Variants in KHDRBS2 observed in about 807,000 individuals in gnomAD.
KHDRBS2 encodes KH domain-containing, RNA-binding, signal transduction-associated protein 2.
KHDRBS2 carries 26 observed loss-of-function variants against 44.3 expected under a neutral mutation model. The observed-to-expected ratio is 0.59, with a 90% CI of 0.43 to 0.81. The LOEUF is 0.81. Among genes scored for constraint, KHDRBS2 ranks in the 40% least tolerant of loss-of-function variants. The pLI is 0.00. For missense variants in KHDRBS2, 476 were observed against 433.1 expected, an observed-to-expected ratio of 1.10 and a Z score of -0.88; for synonymous variants, 194 against 151.1, an observed-to-expected ratio of 1.28 and a Z score of -2.08.
At chr6:61,707,322 G>T (rs1261788830) in intron 7 of KHDRBS2, among the ~76,000 whole-genome samples, 1 of 151,702 alleles carries the variant, frequency 6.6e-6, no homozygotes, top group East Asian at 1.9e-4. Context: ...GTTGTATCAT[G>T]AACTCACTTG....
rs922309282 is a variant in KHDRBS2 at position 61,852,512 on chromosome 6, C to T, written c.810+42123G>A. 4.7e-5 allele frequency among the ~76,000 whole-genome samples: 7 copies of T among 149,396 alleles called. No individual in the cohort carries two copies. The East Asian group carries it at 8.0e-4, about 17-fold the overall frequency. On this transcript the variant is annotated intron_variant, in intron 6 of 8. Coordinates refer to ENST00000281156, the MANE Select transcript of KHDRBS2 (RefSeq NM_152688.4). ...CCGGGAGGCAGAGGCTGCAGTGAGACGAGATCGCACCACTGCACTCCAGCC... is the reference window on the plus strand; with the variant it reads ...CCGGGAGGCAGAGGCTGCAGTGAGATGAGATCGCACCACTGCACTCCAGCC...
chr6:61,752,518 C>T (rs532579764), intron 6 of KHDRBS2, among the ~76,000 whole-genome samples: 100 of 151,930 alleles, frequency 6.6e-4, no homozygotes, highest in Middle Eastern at 3.4e-3. Context: ...TCTATTCAAT[C>T]GTATTATTCT....
chr6:61,890,801 T>C (rs1335943154), intron 6 of KHDRBS2, among the ~76,000 whole-genome samples: 2 of 152,142 alleles, frequency 1.3e-5, no homozygotes, highest in African/African-American at 4.8e-5. Flanking sequence ...TTGAACCTTG[T>C]GGGTTTGTTT....
At chr6:62,283,859 C>T (rs909716525) in intron 1 of KHDRBS2, among the ~76,000 whole-genome samples, 1 of 152,090 alleles carries the variant, frequency 6.6e-6, no homozygotes. Context: ...TTGCATAACT[C>T]TTTAGGTACT....
In KHDRBS2 at chr6:62,134,759, G is replaced by A. The variant is rs541356128; in HGVS notation, c.219+42426C>T. On this transcript the variant is annotated intron_variant, in intron 2 of 8. Transcript: ENST00000281156. ...CTGGATGTGAGACATGTAGTCAAAG[G>A]AGATAATTGCTTTAAGATTTGACTC... Among the ~76,000 whole-genome samples, 20 of 152,242 alleles carry A rather than the reference G, an allele frequency of 1.3e-4. 1 individual carries two copies. In the South Asian group the frequency reaches 3.9e-3, roughly 30 times the overall value.
chr6:61,572,403 T>A, the KHDRBS2 span, among the ~76,000 whole-genome samples: 1,302 of 152,132 alleles, frequency 8.6e-3, 13 homozygotes, highest in Non-Finnish European at 0.013. Context: ...CAAAGAAGAA[T>A]CAGTACCAAT....
chr6:62,220,514 A>G (rs1355705980), intron 1 of KHDRBS2, among the ~76,000 whole-genome samples: 2 of 151,932 alleles, frequency 1.3e-5, no homozygotes, highest in East Asian at 3.8e-4. Context: ...TAAAATATAC[A>G]GTAAAATTGG....
intron 4 of KHDRBS2, among the ~76,000 whole-genome samples, chr6:61,937,579 G>A (rs939783328): frequency 1.2e-4 from 18 of 151,904 alleles, no homozygotes; most frequent in Admixed American, 7.9e-4. Flanking sequence ...TATGAGTATC[G>A]GGCAGGAATT....
At chr6:62,080,237 C>A (rs1171093726) in intron 2 of KHDRBS2, among the ~76,000 whole-genome samples, 1 of 151,982 alleles carries the variant, frequency 6.6e-6, no homozygotes, top group African/African-American at 2.4e-5. Context: ...TGTGCCAAAG[C>A]ACCACATTAA....
intron 6 of KHDRBS2, among the ~76,000 whole-genome samples, chr6:61,771,004 A>G (rs1009140148): frequency 3.3e-5 from 5 of 152,218 alleles, no homozygotes; most frequent in Non-Finnish European, 7.3e-5. Flanking sequence ...GAAACTCTAC[A>G]AGCCAGAAGA....
At chr6:62,231,304 T>C (rs1334701995) in intron 1 of KHDRBS2, among the ~76,000 whole-genome samples, 1 of 152,166 alleles carries the variant, frequency 6.6e-6, no homozygotes, top group Non-Finnish European at 1.5e-5. Context: ...AGACTTACAA[T>C]CATGGCAGAA....
At chr6:61,922,710 G>C (rs1808282884) in intron 4 of KHDRBS2, among the ~76,000 whole-genome samples, 1 of 152,102 alleles carries the variant, frequency 6.6e-6, no homozygotes, top group African/African-American at 2.4e-5. Flanking sequence ...ATCTCTACGA[G>C]GGTGAATAAT....
At chr6:62,062,426 A>G (rs1456656313) in intron 2 of KHDRBS2, among the ~76,000 whole-genome samples, 2 of 150,342 alleles carry the variant, frequency 1.3e-5, no homozygotes, top group African/African-American at 2.4e-5. Flanking sequence ...ATAACAAACT[A>G]TCTCTCAGAC....
intron 2 of KHDRBS2, among the ~76,000 whole-genome samples, chr6:62,092,356 C>G (rs1050442736): frequency 3.9e-5 from 6 of 152,096 alleles, no homozygotes; most frequent in African/African-American, 1.4e-4. Flanking sequence ...ATTGAAATAT[C>G]TTCATAGAGG....
At chr6:61,565,950 T>A in the KHDRBS2 span, among the ~76,000 whole-genome samples, 2 of 151,868 alleles carry the variant, frequency 1.3e-5, no homozygotes, top group African/African-American at 2.4e-5. Flanking sequence ...GCTAAAATAT[T>A]TGAAATAAAT....
At chr6:61,827,170 C>A (rs1277942390) in intron 6 of KHDRBS2, among the ~76,000 whole-genome samples, 1 of 152,126 alleles carries the variant, frequency 6.6e-6, no homozygotes, top group African/African-American at 2.4e-5. Context: ...TAATAAACAT[C>A]ATTAGGTCAT....
At chr6:61,818,194 G>A (rs1317704498) in intron 6 of KHDRBS2, among the ~76,000 whole-genome samples, 1 of 149,226 alleles carries the variant, frequency 6.7e-6, no homozygotes, top group East Asian at 2.0e-4. Context: ...AGGATATTTT[G>A]CTGCCTTCCT....
intron 6 of KHDRBS2, among the ~76,000 whole-genome samples, chr6:61,760,195 T>C (rs1389194999): frequency 1.3e-5 from 2 of 152,146 alleles, no homozygotes; most frequent in Non-Finnish European, 2.9e-5. Flanking sequence ...CTCAATAAAT[T>C]TGTGATTGTT....
chr6:62,086,658 G>A (rs1045011783), intron 2 of KHDRBS2, among the ~76,000 whole-genome samples: 12 of 152,138 alleles, frequency 7.9e-5, no homozygotes, highest in Admixed American at 1.3e-4. Flanking sequence ...CAGGATAAAG[G>A]AGAGAGAAGC....
Sources: gnomAD v4.1 joint callset for allele counts (sites outside exome capture counted in the v4.1 genomes callset) on GRCh38, gnomAD v4.1.1 for gene constraint, MANE v1.5 for transcripts, NCBI Gene and HGNC (gene_info 2026-07-23, HGNC 2026-07-21) for gene names.